The following KLRD1 variants were observed in gnomAD, a reference collection of about 807,000 sequenced individuals.
KLRD1 encodes the protein killer cell lectin like receptor D1.
KLRD1 carries 21 observed loss-of-function variants against 22.6 expected under a neutral mutation model. That is an observed-to-expected ratio of 0.93 (90% CI 0.66 to 1.34). The LOEUF is 1.34. KLRD1 is among the 40% of genes most tolerant of loss of function. The probability of loss-of-function intolerance (pLI) is 0.00; values close to 1 mark genes in which losing one functional copy is unlikely to be tolerated. For missense variants in KLRD1, 183 were observed against 208.6 expected, an observed-to-expected ratio of 0.88 and a Z score of 0.76; for synonymous variants, 59 against 71.1, an observed-to-expected ratio of 0.83 and a Z score of 0.85.
At chr12:10,269,984 A>T (rs1290065729) in intron 1 of KLRD1, among the ~76,000 whole-genome samples, 1 of 152,178 alleles carries the variant, frequency 6.6e-6, no homozygotes, top group Non-Finnish European at 1.5e-5. Context: ...CTTTCAAATG[A>T]TCTGAACTTA....
At chr12:10,312,756 G>A (rs940353392) in intron 4 of KLRD1, among the ~76,000 whole-genome samples, 1 of 151,160 alleles carries the variant, frequency 6.6e-6, no homozygotes, top group African/African-American at 2.4e-5. Context: ...TTGGGAGGCC[G>A]AGGAGGGCGG....
In KLRD1 at chr12:10,321,144, A is replaced by G. The variant is rs757523407; in HGVS notation, c.*6351A>G. On this transcript the variant is annotated 3_prime_UTR_variant, in exon 6 of 6. Coordinates refer to ENST00000336164, the MANE Select transcript of KLRD1 (RefSeq NM_002262.5). Reference sequence around the variant, plus strand: ...AATCAAATGAGTCCCGACATTTGCTATGCTAGATTTTAAATTATTATGCAT... The same window carrying G: ...AATCAAATGAGTCCCGACATTTGCTGTGCTAGATTTTAAATTATTATGCAT... 6.6e-6 allele frequency: 1 copy of G among 151,456 alleles called. No individual in the cohort carries two copies. The highest frequency in any genetic ancestry group is 1.5e-5 in the Non-Finnish European group (1 of 68,036). 9.4% of individuals were successfully genotyped at this position (151,456 alleles called of 1,614,324 possible).
intron 1 of KLRD1, among the ~76,000 whole-genome samples, chr12:10,254,431 C>CA (rs71300165): frequency 0.54 from 46,771 of 86,648 alleles, 13,884 homozygotes; most frequent in Admixed American, 0.66. Context: ...CACTCCGTCT[C>CA]AAAAAAAAAA....
chr12:10,315,055 TA>T lies in KLRD1; in HGVS notation c.*263del, dbSNP rs1224093852. 5 of 290,052 alleles carry T rather than the reference TA, an allele frequency of 1.7e-5. No homozygotes were observed. The highest frequency in any genetic ancestry group is 3.2e-5 in the Non-Finnish European group (5 of 155,822). The allele number at this position is 290,052 out of a possible 1,614,324, so 18.0% of individuals were successfully genotyped here. A position where few individuals can be genotyped will look rare whatever the true frequency, so the allele number is the denominator to read the frequency against. On this transcript the variant is annotated 3_prime_UTR_variant, in exon 6 of 6. Coordinates refer to ENST00000336164, the MANE Select transcript of KLRD1 (RefSeq NM_002262.5). The stretch of plus-strand genomic sequence containing the variant: ...TATATATTTAATGTTAAATTCAATG[TA>T]GTTTTATTACACATTTATGTAATTT...
intron 1 of KLRD1, among the ~76,000 whole-genome samples, chr12:10,293,167 T>TATATATATATATATATATAC: frequency 2.2e-4 from 1 of 4,632 alleles, no homozygotes; most frequent in African/African-American, 2.3e-4. Context: ...CATATATATA[T>TATATATATATATATATATAC]ACACATATAC....
chr12:10,255,035 A>G (rs1215980005), intron 1 of KLRD1, among the ~76,000 whole-genome samples: 1 of 134,432 alleles, frequency 7.4e-6, no homozygotes, highest in Non-Finnish European at 1.6e-5. Context: ...AATCAAAACC[A>G]CAATGAGACA....
At chr12:10,253,039 T>C (rs112976356) in intron 1 of KLRD1, among the ~76,000 whole-genome samples, 5 of 152,226 alleles carry the variant, frequency 3.3e-5, no homozygotes, top group African/African-American at 1.2e-4. Flanking sequence ...TCTTATCTAA[T>C]GCTTTTAATA....
In KLRD1 at chr12:10,329,319, C is replaced by A. The variant is rs1241131448; in HGVS notation, c.*14526C>A. On this transcript the variant is annotated 3_prime_UTR_variant, in exon 6 of 6. Transcript: ENST00000336164. ...AATTATCACATATTTATTAGTTTTC[C>A]TTTTGCAACTGATTTCTAGTTTCAT... 6.6e-6 allele frequency: 1 copy of A among 151,850 alleles called. No homozygotes were observed. The highest frequency in any genetic ancestry group is 1.9e-4 in the East Asian group (1 of 5,178). 9.4% of individuals were successfully genotyped at this position (151,850 alleles called of 1,614,324 possible). A position where few individuals can be genotyped will look rare whatever the true frequency, so the allele number is the denominator to read the frequency against.
rs1428296512 is a variant in KLRD1, at chr12:10,317,112, C to T, written c.*2319C>T. ...TCCATGTCGCTGCAAAGGACATGAA[C>T]TCATTCTTTTTATGGCTGCATAGTA... On this transcript the variant is annotated 3_prime_UTR_variant, in exon 6 of 6. Transcript: ENST00000336164. 1 of 152,114 alleles carries T rather than the reference C, an allele frequency of 6.6e-6. No homozygotes were observed. Among genetic ancestry groups the T allele is most frequent in the East Asian group, 1.9e-4 (1 of 5,194 alleles). 9.4% of individuals were successfully genotyped at this position (152,114 alleles called of 1,614,324 possible).
chr12:10,284,913 G>A (rs980771554), intron 1 of KLRD1, among the ~76,000 whole-genome samples: 7 of 151,990 alleles, frequency 4.6e-5, no homozygotes, highest in African/African-American at 7.2e-5. Context: ...CCTGGGAGGC[G>A]GAGGTTGCGG....
At chr12:10,267,276 G>A (rs1011244913) in intron 1 of KLRD1, among the ~76,000 whole-genome samples, 2 of 152,010 alleles carry the variant, frequency 1.3e-5, no homozygotes, top group African/African-American at 4.8e-5. Context: ...TCATCTCAGT[G>A]TTCATCTTCC....
intron 1 of KLRD1, among the ~76,000 whole-genome samples, chr12:10,288,742 T>C (rs1949736127): frequency 6.6e-6 from 1 of 152,212 alleles, no homozygotes; most frequent in South Asian, 2.1e-4. Flanking sequence ...ATAGACTACA[T>C]ACATCACTAT....
At chr12:10,269,648 A>G (rs1949531286) in intron 1 of KLRD1, among the ~76,000 whole-genome samples, 1 of 152,194 alleles carries the variant, frequency 6.6e-6, no homozygotes, top group Non-Finnish European at 1.5e-5. Context: ...TAAAAGTTAC[A>G]TATTCTTTTC....
chr12:10,265,397 A>G (rs1355208110), intron 1 of KLRD1, among the ~76,000 whole-genome samples: 1 of 152,194 alleles, frequency 6.6e-6, no homozygotes, highest in Non-Finnish European at 1.5e-5. Context: ...TTTTGTTAAT[A>G]TATTTCAACA....
chr12:10,316,384 C>T lies in KLRD1; in HGVS notation c.*1591C>T, dbSNP rs368055959. On this transcript the variant is annotated 3_prime_UTR_variant, in exon 6 of 6. Coordinates refer to ENST00000336164, the MANE Select transcript of KLRD1 (RefSeq NM_002262.5). ...AACTGCTACTTCATAGTTTATGCCA[C>T]TTATTTTATTTTTTACTTTTATTAT... is the stretch of plus-strand genomic sequence containing the variant. 2.0e-5 allele frequency: 3 copies of T among 151,938 alleles called. No homozygotes were observed. Among genetic ancestry groups the T allele is most frequent in the East Asian group, 3.9e-4 (2 of 5,176 alleles). 9.4% of individuals were successfully genotyped at this position (151,938 alleles called of 1,614,324 possible). A position where few individuals can be genotyped will look rare whatever the true frequency, so the allele number is the denominator to read the frequency against.
At chr12:10,309,203 C>A (rs2137692752) in intron 1 of KLRD1, 185 bp from the exon 2 acceptor site, 2 of 502,884 alleles carry the variant, frequency 4.0e-6, no homozygotes, top group South Asian at 3.6e-5. Context: ...GAATAAGATA[C>A]ATCACATAAA....
chr12:10,329,094 G>C lies in KLRD1; in HGVS notation c.*14301G>C, dbSNP rs1435777200. 1 of 152,074 alleles carries C rather than the reference G, an allele frequency of 6.6e-6. No homozygotes were observed. The highest frequency in any genetic ancestry group is 1.5e-5 in the Non-Finnish European group (1 of 68,014). 9.4% of individuals were successfully genotyped at this position (152,074 alleles called of 1,614,324 possible). ...TGGGGACACAGCCAAACCATATCAA[G>C]GTATAAAGTGCATTGTTTGAGACCT... is the stretch of plus-strand genomic sequence containing the variant. On this transcript the variant is annotated 3_prime_UTR_variant, in exon 6 of 6. Coordinates refer to ENST00000336164, the MANE Select transcript of KLRD1 (RefSeq NM_002262.5).
chr12:10,313,959 A>C (rs2617145), intron 5 of KLRD1, among the ~76,000 whole-genome samples: 2 of 152,132 alleles, frequency 1.3e-5, no homozygotes, highest in African/African-American at 2.4e-5. Flanking sequence ...TTGTCAGTTA[A>C]CTGAAGTGCA....
chr12:10,295,120 T>C (rs1949810255), intron 1 of KLRD1, among the ~76,000 whole-genome samples: 1 of 152,218 alleles, frequency 6.6e-6, no homozygotes, highest in Non-Finnish European at 1.5e-5. Context: ...ATGTATACCA[T>C]ATTTTATTTT....
Sources: allele counts gnomAD v4.1 joint callset (sites outside exome capture counted in the v4.1 genomes callset), GRCh38; gene constraint gnomAD v4.1.1; transcripts MANE v1.5; gene names NCBI Gene and HGNC (gene_info 2026-07-23, HGNC 2026-07-21).